The following MMUT variants were observed in gnomAD, a reference collection of about 807,000 sequenced individuals.
MMUT encodes the protein methylmalonyl-CoA mutase, also known as methylmalonyl-CoA mutase, mitochondrial.
Under a neutral mutation model 79.9 loss-of-function variants are expected in MMUT, and 79 were observed. The ratio of observed to expected loss-of-function variants is 0.99; its 90% confidence interval spans 0.82 to 1.19. MMUT has a LOEUF of 1.19. Among genes scored for constraint, MMUT ranks in the 50% most tolerant of loss-of-function variants. The probability of loss-of-function intolerance (pLI) is 0.00; values close to 1 mark genes in which losing one functional copy is unlikely to be tolerated. For missense variants in MMUT, 860 were observed against 917.2 expected, an observed-to-expected ratio of 0.94 and a Z score of 0.81; for synonymous variants, 273 against 295.7, an observed-to-expected ratio of 0.92 and a Z score of 0.79.
chr6:49,441,412 G>T (rs540076541), intron 10 of MMUT, among the ~76,000 whole-genome samples: 3 of 151,932 alleles, frequency 2.0e-5, no homozygotes, highest in Admixed American at 6.6e-5. Flanking sequence ...TAAGCAGATT[G>T]AAATATAAAT....
chr6:49,431,695 A>G lies in MMUT; in HGVS notation c.*33T>C, dbSNP rs1280101168. 8 of 1,596,088 alleles carry G rather than the reference A, an allele frequency of 5.0e-6. No homozygotes were observed. Among genetic ancestry groups the G allele is most frequent in the Non-Finnish European group, 6.9e-6 (8 of 1,164,680 alleles). On this transcript the variant is annotated 3_prime_UTR_variant, in exon 13 of 13. Coordinates refer to ENST00000274813, the MANE Select transcript of MMUT (RefSeq NM_000255.4). Reference sequence around the variant, plus strand: ...CTTCTTTGATCATAACTAAAATAATATTTTAGACAAAAGCTAAAACAAAAA... The same window carrying G: ...CTTCTTTGATCATAACTAAAATAATGTTTTAGACAAAAGCTAAAACAAAAA...
intron 7 of MMUT, among the ~76,000 whole-genome samples, chr6:49,448,228 A>G (rs904894105): frequency 6.6e-6 from 1 of 152,072 alleles, no homozygotes; most frequent in Non-Finnish European, 1.5e-5. Flanking sequence ...TCCTTACATG[A>G]TAAAGAATAT....
chr6:49,449,518 G>A (rs908923246), intron 6 of MMUT, among the ~76,000 whole-genome samples: 7 of 152,112 alleles, frequency 4.6e-5, no homozygotes, highest in African/African-American at 1.7e-4. Context: ...CAATTTGAGA[G>A]TCTGCAACCA....
chr6:49,461,472 A>T (rs1256004457), intron 1 of MMUT, among the ~76,000 whole-genome samples: 1 of 152,198 alleles, frequency 6.6e-6, no homozygotes, highest in Non-Finnish European at 1.5e-5. Flanking sequence ...GTCTAAATGG[A>T]AACATAACAA....
At chr6:49,462,770 C>A (rs1767887680) in intron 1 of MMUT, among the ~76,000 whole-genome samples, 1 of 152,140 alleles carries the variant, frequency 6.6e-6, no homozygotes, top group African/African-American at 2.4e-5. Context: ...CCTTTGGAAC[C>A]ATACAAAAAG....
chr6:49,453,655 T>C lies in MMUT; in HGVS notation c.1013A>G (p.Gln338Arg). Reference sequence around the variant, plus strand: ...AAGAAGAGATTTTGAGTTTTTAGGCTGAAACATTTTCTCTATTAAGTGAGC... The same window carrying C: ...AAGAAGAGATTTTGAGTTTTTAGGCCGAAACATTTTCTCTATTAAGTGAGC... ...LWAHLIEKMF[Q>R]PKNSKSLLLR... The change falls in exon 5 of 13, where the codon CAG (glutamine) becomes CGG (arginine). Residue 338 changes from glutamine (Q) to arginine (R), a missense_variant. Physicochemically the swap from Gln to Arg is conservative, Grantham distance 43. Transcript: ENST00000274813. 3 of 1,613,266 alleles carry C rather than the reference T, an allele frequency of 1.9e-6. No individual in the cohort carries two copies. Among genetic ancestry groups the C allele is most frequent in the Non-Finnish European group, 2.5e-6 (3 of 1,179,516 alleles).
intron 2 of MMUT, 45 bp downstream of exon 2, chr6:49,459,037 G>A (rs1223061606): frequency 6.4e-7 from 1 of 1,573,980 alleles, no homozygotes; most frequent in South Asian, 1.1e-5. Context: ...AAACTAGGAG[G>A]CATATGACTT....
chr6:49,460,001 G>A (rs1767800028), intron 1 of MMUT, among the ~76,000 whole-genome samples: 1 of 152,184 alleles, frequency 6.6e-6, no homozygotes. Context: ...ACTGGTCTCT[G>A]TTTCCCCCTC....
At chr6:49,450,290 G>A (rs557351235) in intron 6 of MMUT, among the ~76,000 whole-genome samples, 12 of 150,298 alleles carry the variant, frequency 8.0e-5, no homozygotes, top group South Asian at 2.1e-4. Context: ...AAGGAGGTCC[G>A]TAGCTTATGA....
At chr6:49,462,842 C>A (rs1353842014) in intron 1 of MMUT, among the ~76,000 whole-genome samples, 1 of 152,156 alleles carries the variant, frequency 6.6e-6, no homozygotes, top group Non-Finnish European at 1.5e-5. Flanking sequence ...ACCGACATGG[C>A]CCCTAAAGTA....
At chr6:49,444,846 T>A in intron 8 of MMUT, 92 bp from the exon 9 acceptor site, 2 of 886,010 alleles carry the variant, frequency 2.3e-6, no homozygotes, top group Non-Finnish European at 3.6e-6. Context: ...GCATATGGCA[T>A]TTTTTTCCAT....
chr6:49,442,983 A>T (rs180835298), intron 9 of MMUT, among the ~76,000 whole-genome samples: 1 of 152,280 alleles, frequency 6.6e-6, no homozygotes, highest in East Asian at 1.9e-4. Flanking sequence ...AAAAAACAGT[A>T]CATACAAGTT....
At chr6:49,443,888 A>C in intron 9 of MMUT, 1 of 385,720 alleles carries the variant, frequency 2.6e-6, no homozygotes, top group South Asian at 1.9e-5. Context: ...AAAAGTTAGG[A>C]GACAAAGGAG....
At chr6:49,431,897 C>A (rs1175017825) in intron 12 of MMUT, 41 bp from the exon 13 acceptor site, 5 of 1,598,900 alleles carry the variant, frequency 3.1e-6, no homozygotes, top group South Asian at 1.1e-5. Context: ...GCCACTATTT[C>A]CATTTTCACG....
At chr6:49,453,367 T>C (rs1275796199) in intron 5 of MMUT, among the ~76,000 whole-genome samples, 1 of 152,028 alleles carries the variant, frequency 6.6e-6, no homozygotes. Context: ...GTAAGTGATT[T>C]TATATTGTTA....
intron 5 of MMUT, among the ~76,000 whole-genome samples, chr6:49,453,059 T>TTTTTTTTG (rs398048522): frequency 7.2e-6 from 1 of 138,984 alleles, no homozygotes; most frequent in Non-Finnish European, 1.6e-5. Context: ...TTTTTTTTTT[T>TTTTTTTTG]AGACGTAGTT....
At position 49,441,572 on chromosome 6, in the gene MMUT, TATC is replaced by T. The variant is rs1309399101; in HGVS notation, c.1808+265_1808+267del. On this transcript the variant is annotated intron_variant, in intron 10 of 12. Transcript: ENST00000274813. ...ATATTTGATATTTATTATTAAATAT[TATC>T]ATGTACCTATTAAAATGATAGTATA... 8.0e-5 allele frequency among the ~76,000 whole-genome samples: 12 copies of T among 150,114 alleles called. No homozygotes were observed. The South Asian group carries it at 1.5e-3, about 18-fold the overall frequency.
At chr6:49,434,510 C>A (rs183468167) in intron 12 of MMUT, among the ~76,000 whole-genome samples, 58 of 152,094 alleles carry the variant, frequency 3.8e-4, no homozygotes, top group Admixed American at 5.2e-4. Flanking sequence ...AGTGATGGGG[C>A]CTTTGCAGCT....
At chr6:49,443,669 GA>G in intron 9 of MMUT, 1 of 233,422 alleles carries the variant, frequency 4.3e-6, no homozygotes, top group Non-Finnish European at 8.6e-6. Flanking sequence ...ACAACAAATA[GA>G]AAAATAATAA....
Sources: gnomAD v4.1 joint callset for allele counts (sites outside exome capture counted in the v4.1 genomes callset) on GRCh38, gnomAD v4.1.1 for gene constraint, MANE v1.5 for transcripts, NCBI Gene and HGNC (gene_info 2026-07-23, HGNC 2026-07-21) for gene names.